Variants in COL8A2 observed in about 807,000 individuals in gnomAD.
COL8A2 encodes collagen type VIII alpha 2 chain.
In COL8A2, 16 loss-of-function variants were observed where a neutral mutation model predicts 24.0. The observed-to-expected ratio is 0.67, with a 90% confidence interval of 0.45 to 1.01. COL8A2 has a LOEUF of 1.01. Among genes scored for constraint, COL8A2 ranks in the 50% least tolerant of loss-of-function variants. The pLI, the probability that COL8A2 is intolerant of heterozygous loss-of-function variation, is 0.00. For missense variants in COL8A2, 818 were observed against 942.4 expected, an observed-to-expected ratio of 0.87 and a Z score of 1.73; for synonymous variants, 466 against 424.5, an observed-to-expected ratio of 1.10 and a Z score of -1.20.
chr1:36,103,679 G>A (rs1400312621), intron 2 of COL8A2, among the ~76,000 whole-genome samples: 1 of 151,498 alleles, frequency 6.6e-6, no homozygotes, highest in South Asian at 2.1e-4. Context: ...TGCTTCCCGG[G>A]TTCAAGCTAT....
Position 36,115,296 on chromosome 1 carries a change from G to A in COL8A2, c.-17+412C>T, listed in dbSNP as rs542334094. Among the ~76,000 whole-genome samples the A allele has an allele frequency of 1.3e-5, 2 of 152,256 alleles. No homozygotes were observed. The highest frequency in any genetic ancestry group is 1.9e-4 in the East Asian group (1 of 5,168). ...TCGCATTTGCAGCCTTTTCCGGAGC[G>A]CCACCCGCCACCCGCTGCCTCCCCA... On this transcript the variant is annotated intron_variant, in intron 2 of 3. Coordinates refer to ENST00000397799, the MANE Select transcript of COL8A2 (RefSeq NM_005202.4). This position sits in a 1 kb window ranked among gnomAD's most constrained non-coding sequence, Gnocchi z 5.7.
chr1:36,110,576 AC>A (rs1257013736), intron 2 of COL8A2, among the ~76,000 whole-genome samples: 1 of 151,648 alleles, frequency 6.6e-6, no homozygotes, highest in Non-Finnish European at 1.5e-5. Context: ...TGGAGCCTCC[AC>A]CTCCTGAGTG....
In COL8A2 at chr1:36,098,826, T is replaced by C. The variant is rs757713109; in HGVS notation, c.855A>G (p.Ala285=). The C allele has an allele frequency of 3.1e-6, 5 of 1,611,964 alleles. No individual in the cohort carries two copies. In the African/African-American group the frequency reaches 6.7e-5, roughly 22 times the overall value. Residue 285 remains alanine, a synonymous_variant, in exon 4 of 4, where the codon GCA becomes GCG. Coordinates refer to ENST00000397799, the MANE Select transcript of COL8A2 (RefSeq NM_005202.4). The part of the protein sequence containing the change: ...PGVDGVGVPG[A]AGLPGPQGPS... ...GGCCCTGTGGTCCTGGCAACCCTGC[T>C]GCCCCTGGGACTCCCACACCGTCTA...
At chr1:36,110,741 C>T (rs1643829615) in intron 2 of COL8A2, among the ~76,000 whole-genome samples, 1 of 152,226 alleles carries the variant, frequency 6.6e-6, no homozygotes, top group African/African-American at 2.4e-5. Context: ...ATCCACCTGC[C>T]TCGGCCTCCC....
intron 1 of COL8A2, among the ~76,000 whole-genome samples, chr1:36,118,591 C>T (rs545756498): frequency 1.3e-5 from 2 of 152,358 alleles, no homozygotes; most frequent in African/African-American, 4.8e-5. Flanking sequence ...CCTGGAGCCC[C>T]TCCCCTGGCG....
chr1:36,111,492 T>C (rs982804408), intron 2 of COL8A2, among the ~76,000 whole-genome samples: 2 of 151,886 alleles, frequency 1.3e-5, no homozygotes, highest in Non-Finnish European at 2.9e-5. Flanking sequence ...GCTCCCACAG[T>C]GCCAACTCCA....
intron 2 of COL8A2, among the ~76,000 whole-genome samples, chr1:36,113,787 C>G (rs1485192075): frequency 6.6e-6 from 1 of 152,210 alleles, no homozygotes; most frequent in East Asian, 1.9e-4. Flanking sequence ...ATCCCTCACC[C>G]CTGCAAGTGA....
chr1:36,115,328 C>G lies in COL8A2; in HGVS notation c.-17+380G>C, dbSNP rs906612798. On this transcript the variant is annotated intron_variant, in intron 2 of 3. Transcript: ENST00000397799. This position sits in a 1 kb window ranked among gnomAD's most constrained non-coding sequence, Gnocchi z 5.7. ...GCCACCCGCTGCCTCCCCACGCCTG[C>G]CAAGATTCCTGGGCCTCTGCGGCTA... Among the ~76,000 whole-genome samples, 3 of 152,326 alleles carry G rather than the reference C, an allele frequency of 2.0e-5. No homozygotes were observed. The highest frequency in any genetic ancestry group is 4.4e-5 in the Non-Finnish European group (3 of 68,032).
intron 2 of COL8A2, among the ~76,000 whole-genome samples, chr1:36,111,537 A>T (rs543322837): frequency 7.3e-6 from 1 of 136,086 alleles, no homozygotes; most frequent in Non-Finnish European, 1.6e-5. Context: ...TCCAACTACG[A>T]TGTCTCCCCT....
intron 1 of COL8A2, among the ~76,000 whole-genome samples, chr1:36,116,545 G>A (rs1643880600): frequency 6.6e-6 from 1 of 152,242 alleles, no homozygotes; most frequent in South Asian, 2.1e-4. Flanking sequence ...GAAGGGCTGG[G>A]GGCATCAGAC....
intron 2 of COL8A2, among the ~76,000 whole-genome samples, chr1:36,112,086 C>T (rs894569753): frequency 2.0e-5 from 3 of 152,180 alleles, no homozygotes; most frequent in African/African-American, 7.2e-5. Context: ...TCACTGCAAA[C>T]TCCGCCTCCC....
chr1:36,097,479 G>T lies in COL8A2; in HGVS notation c.*90C>A, dbSNP rs555076209. On this transcript the variant is annotated 3_prime_UTR_variant, in exon 4 of 4. Coordinates refer to ENST00000397799, the MANE Select transcript of COL8A2 (RefSeq NM_005202.4). ...CCACGGCCGCCTCTGTTCAGCTTTT[G>T]TTTTTTTTTCCAGGAGGTTCTTTGT... 919 of 1,111,122 alleles carry T rather than the reference G, an allele frequency of 8.3e-4. 7 individuals are homozygous for T. In the African/African-American group the frequency reaches 0.013, roughly 16 times the overall value. 68.8% of individuals were successfully genotyped at this position (1,111,122 alleles called of 1,614,324 possible). A position where few individuals can be genotyped will look rare whatever the true frequency, so the allele number is the denominator to read the frequency against.
At chr1:36,105,591 T>A (rs1422300445) in intron 2 of COL8A2, among the ~76,000 whole-genome samples, 1 of 152,222 alleles carries the variant, frequency 6.6e-6, no homozygotes, top group Non-Finnish European at 1.5e-5. Context: ...TGCCAGGCAC[T>A]GGCCTCATGC....
chr1:36,115,698 C>A lies in COL8A2; in HGVS notation c.-17+10G>T. 1 of 985,364 alleles carries A rather than the reference C, an allele frequency of 1.0e-6. No homozygotes were observed. Among genetic ancestry groups the A allele is most frequent in the Non-Finnish European group, 1.2e-6 (1 of 829,968 alleles). The allele number at this position is 985,364 out of a possible 1,614,324, so 61.0% of individuals were successfully genotyped here. ...GATATCAGAAAACCCCATCCCCAAA[C>A]CTAGCTTACCTTTCAGGTCGGAGGG... On this transcript the variant is annotated intron_variant, in intron 2 of 3. Transcript: ENST00000397799. This position sits in a 1 kb window ranked among gnomAD's most constrained non-coding sequence, Gnocchi z 5.7.
At chr1:36,109,125 C>T (rs750828520) in intron 2 of COL8A2, among the ~76,000 whole-genome samples, 3 of 152,242 alleles carry the variant, frequency 2.0e-5, no homozygotes, top group Non-Finnish European at 2.9e-5. Flanking sequence ...AGAGCAACTG[C>T]AGCTGAGGGA....
At chr1:36,105,623 C>T (rs532256262) in intron 2 of COL8A2, among the ~76,000 whole-genome samples, 6 of 152,276 alleles carry the variant, frequency 3.9e-5, no homozygotes, top group East Asian at 3.9e-4. Flanking sequence ...TCCTCATACA[C>T]GCCTGTGAGG....
rs1222433049 is a variant in COL8A2, at chr1:36,095,815, C to A, written c.*1754G>T. 6.6e-6 allele frequency: 1 copy of A among 152,200 alleles called. No homozygotes were observed. The highest frequency in any genetic ancestry group is 1.5e-5 in the Non-Finnish European group (1 of 68,050). The allele number at this position is 152,200 out of a possible 1,614,324, so 9.4% of individuals were successfully genotyped here. A position where few individuals can be genotyped will look rare whatever the true frequency, so the allele number is the denominator to read the frequency against. ...CCCCCACCAGGTATGGTTTGAGAGT[C>A]CTTAGTTGGTTTTCTTGGGCGTTAG... On this transcript the variant is annotated 3_prime_UTR_variant, in exon 4 of 4. Transcript: ENST00000397799.
chr1:36,115,243 C>G lies in COL8A2; in HGVS notation c.-17+465G>C, dbSNP rs1182457699. ...CTCAGGCAGGGGCAGGCGGGGCCTC[C>G]TCAGCCTCCAATCCCTCACCTTCTG... On this transcript the variant is annotated intron_variant, in intron 2 of 3. Coordinates refer to ENST00000397799, the MANE Select transcript of COL8A2 (RefSeq NM_005202.4). The surrounding 1 kb of genome is among the most constrained non-coding windows in gnomAD (Gnocchi z 5.7). Among the ~76,000 whole-genome samples, 1 of 152,222 alleles carries G rather than the reference C, an allele frequency of 6.6e-6. No individual in the cohort carries two copies. The highest frequency in any genetic ancestry group is 1.5e-5 in the Non-Finnish European group (1 of 68,032).
At chr1:36,105,964 A>AG (rs1397318944) in intron 2 of COL8A2, among the ~76,000 whole-genome samples, 6 of 124,372 alleles carry the variant, frequency 4.8e-5, no homozygotes, top group South Asian at 2.5e-4. Flanking sequence ...AAAAAAAAAA[A>AG]AAAGAGAGAG....
Sources: gnomAD v4.1 joint callset for allele counts (sites outside exome capture counted in the v4.1 genomes callset) on GRCh38, gnomAD v4.1.1 for gene constraint, Gnocchi (gnomAD v3.1) non-coding constraint, MANE v1.5 for transcripts, NCBI Gene and HGNC (gene_info 2026-07-23, HGNC 2026-07-21) for gene names.